The following ACCS variants were observed in gnomAD, a reference collection of about 807,000 sequenced individuals.
ACCS encodes 1-aminocyclopropane-1-carboxylate synthase homolog (inactive), also known as 1-aminocyclopropane-1-carboxylate synthase-like protein 1.
ACCS carries 42 observed loss-of-function variants against 59.8 expected under a neutral mutation model. The ratio of observed to expected loss-of-function variants is 0.70; its 90% CI spans 0.55 to 0.91. ACCS has a LOEUF of 0.91. ACCS is among the 40% of genes least tolerant of loss of function. The pLI is 0.00. For synonymous variants in ACCS, 230 were observed against 240.3 expected, an observed-to-expected ratio of 0.96 and a Z score of 0.40; for missense variants, 602 against 630.4, an observed-to-expected ratio of 0.95 and a Z score of 0.48.
intron 12 of ACCS, 150 bp downstream of exon 12, chr11:44,081,470 A>G (rs191338556): frequency 2.2e-5 from 28 of 1,274,408 alleles, no homozygotes; most frequent in African/African-American, 1.1e-4. Context: ...TCCATACCCT[A>G]TTTGGCCACT....
intron 9 of ACCS, 150 bp from the exon 10 acceptor site, chr11:44,079,381 A>G: frequency 4.8e-6 from 3 of 621,132 alleles, no homozygotes; most frequent in Non-Finnish European, 8.5e-6. Context: ...AAAAAAACAG[A>G]AGAAAGAATG....
rs1020086201 is a variant in ACCS at position 44,075,026 on chromosome 11, G to A, written c.489+345G>A. Among the ~76,000 whole-genome samples, 5 of 151,602 alleles carry A rather than the reference G, an allele frequency of 3.3e-5. No homozygotes were observed. The East Asian group carries it at 7.8e-4, about 24-fold the overall frequency. Reference sequence around the variant, plus strand: ...TTTAGTAGAGATGGGGTTTTACCATGTTGGTCAGGCTGGTCTCGAACTACC... The same window carrying A: ...TTTAGTAGAGATGGGGTTTTACCATATTGGTCAGGCTGGTCTCGAACTACC... On this transcript the variant is annotated intron_variant, in intron 5 of 14. Coordinates refer to ENST00000263776, the MANE Select transcript of ACCS (RefSeq NM_032592.4).
rs113846546 is a variant in ACCS, at chr11:44,066,620, C to A, written c.-82C>A. 1 of 152,442 alleles carries A rather than the reference C, an allele frequency of 6.6e-6. No homozygotes were observed. The highest frequency in any genetic ancestry group is 1.5e-5 in the Non-Finnish European group (1 of 68,198). 9.4% of individuals were successfully genotyped at this position (152,442 alleles called of 1,614,324 possible). ...CTGGAGGCTCGAACCCCGCCGCCCC[C>A]CTACCCCAGGCTTTACTCCCACCCC... On this transcript the variant is annotated 5_prime_UTR_variant, in exon 1 of 15. Coordinates refer to ENST00000263776, the MANE Select transcript of ACCS (RefSeq NM_032592.4).
At chr11:44,079,670 A>G in intron 10 of ACCS, 50 bp downstream of exon 10, 1 of 1,534,504 alleles carries the variant, frequency 6.5e-7, no homozygotes, top group Non-Finnish European at 8.9e-7. Flanking sequence ...TATCCCACGG[A>G]GCCCTGGCCA....
intron 3 of ACCS, chr11:44,071,660 A>C (rs1953056385): frequency 4.5e-6 from 1 of 221,422 alleles, no homozygotes; most frequent in Admixed American, 5.2e-5. Context: ...TAGTTTTGCC[A>C]ATTTCCGTAG....
intron 9 of ACCS, chr11:44,079,008 C>T (rs1340703271): frequency 5.6e-6 from 3 of 537,904 alleles, no homozygotes; most frequent in Admixed American, 3.1e-5. Context: ...ACTCTAGGGG[C>T]CAGGCACCAT....
chr11:44,084,163 C>G lies in ACCS; in HGVS notation c.*371C>G, dbSNP rs577994524. On this transcript the variant is annotated 3_prime_UTR_variant, in exon 15 of 15. Coordinates refer to ENST00000263776, the MANE Select transcript of ACCS (RefSeq NM_032592.4). ...CACCGTCATTCCTCTTTCTTTGTCA[C>G]CAAGGAAACGAGTCAAAGGAACAGC... 3 of 206,150 alleles carry G rather than the reference C, an allele frequency of 1.5e-5. No individual in the cohort carries two copies. Among genetic ancestry groups the G allele is most frequent in the Non-Finnish European group, 2.9e-5 (3 of 101,758 alleles). 12.8% of individuals were successfully genotyped at this position (206,150 alleles called of 1,614,324 possible). A position where few individuals can be genotyped will look rare whatever the true frequency, so the allele number is the denominator to read the frequency against.
chr11:44,082,918 C>T (rs553142763), intron 12 of ACCS, among the ~76,000 whole-genome samples: 12 of 152,174 alleles, frequency 7.9e-5, no homozygotes, highest in Admixed American at 3.9e-4. Context: ...GGGGACTTTG[C>T]GCTGAGGGGG....
intron 3 of ACCS, 81 bp downstream of exon 3, chr11:44,071,396 G>A: frequency 6.6e-7 from 1 of 1,521,998 alleles, no homozygotes; most frequent in Non-Finnish European, 9.1e-7. Flanking sequence ...ACAGGAGCCT[G>A]CTGCTTGGCT....
At chr11:44,074,492 C>A in intron 4 of ACCS, 120 bp from the exon 5 acceptor site, 1 of 781,226 alleles carries the variant, frequency 1.3e-6, no homozygotes, top group South Asian at 1.6e-5. Context: ...CACCCACACC[C>A]CATCATGGGA....
At position 44,083,391 on chromosome 11, in the gene ACCS, C is replaced by T. The variant is rs77687574; in HGVS notation, c.1255-33C>T. 5,139 of 1,613,744 alleles carry T rather than the reference C, an allele frequency of 3.2e-3. 135 individuals carry two copies. The African/African-American group carries it at 0.06, about 19-fold the overall frequency. ...GTGAGGGGCAGTTGGTGAGGGGTCT[C>T]AGCTATGTCCTGAGCCCCTTCCACC... is the stretch of plus-strand genomic sequence containing the variant. On this transcript the variant is annotated intron_variant, in intron 13 of 14. Coordinates refer to ENST00000263776, the MANE Select transcript of ACCS (RefSeq NM_032592.4).
At chr11:44,070,651 C>G (rs973350260) in intron 2 of ACCS, among the ~76,000 whole-genome samples, 3 of 152,258 alleles carry the variant, frequency 2.0e-5, no homozygotes, top group Non-Finnish European at 2.9e-5. Flanking sequence ...CCTGCCTATC[C>G]TATGACAATA....
At chr11:44,072,691 T>TA (rs1953118540) in intron 3 of ACCS, among the ~76,000 whole-genome samples, 1 of 152,208 alleles carries the variant, frequency 6.6e-6, no homozygotes, top group Admixed American at 6.5e-5. Flanking sequence ...ATATTTTACA[T>TA]ACTTTTTTCC....
At chr11:44,077,759 G>C (rs1953443839) in intron 7 of ACCS, 86 bp from the exon 8 acceptor site, 2 of 1,535,174 alleles carry the variant, frequency 1.3e-6, no homozygotes, top group Non-Finnish European at 1.8e-6. Context: ...GGGATTACAG[G>C]GGAGGAGAGG....
At position 44,081,244 on chromosome 11, in the gene ACCS, C is replaced by A. The variant is rs3213455; in HGVS notation, c.1035C>A (p.Ala345=). Residue 345 remains alanine, a synonymous_variant, in exon 12 of 15, where the codon GCC becomes GCA. Coordinates refer to ENST00000263776, the MANE Select transcript of ACCS (RefSeq NM_032592.4). ...CAGAAAACCAGGATGTGGCCACTGC[C>A]GTGGCTTCCCTCTGCCGCTACCACG... ...LYTENQDVAT[A]VASLCRYHGL... 6 of 1,614,124 alleles carry A rather than the reference C, an allele frequency of 3.7e-6. No individual in the cohort carries two copies. The highest frequency in any genetic ancestry group is 5.1e-6 in the Non-Finnish European group (6 of 1,180,050).
At position 44,077,842 on chromosome 11, in the gene ACCS, C is replaced by A; in HGVS notation, c.655-3C>A. On this transcript the variant is annotated splice_polypyrimidine_tract_variant and splice_region_variant and intron_variant, in intron 7 of 14. Coordinates refer to ENST00000263776, the MANE Select transcript of ACCS (RefSeq NM_032592.4). ...CTGGTGGCTCTGATGGGTCTTTTTCCAGGTCACTGGGCTAGACACACGCCC... is the reference window on the plus strand; with the variant it reads ...CTGGTGGCTCTGATGGGTCTTTTTCAAGGTCACTGGGCTAGACACACGCCC... 6.2e-7 allele frequency: 1 copy of A among 1,612,678 alleles called. No homozygotes were observed. Among genetic ancestry groups the A allele is most frequent in the East Asian group, 2.2e-5 (1 of 44,862 alleles).
chr11:44,082,396 A>T (rs1953679693), intron 12 of ACCS, among the ~76,000 whole-genome samples: 1 of 152,208 alleles, frequency 6.6e-6, no homozygotes, highest in Non-Finnish European at 1.5e-5. Flanking sequence ...CCTTCCACAG[A>T]TGTGTGGATG....
In ACCS at chr11:44,083,367, T is replaced by C. The variant is rs1953726572; in HGVS notation, c.1254+56T>C. On this transcript the variant is annotated intron_variant, in intron 13 of 14. Coordinates refer to ENST00000263776, the MANE Select transcript of ACCS (RefSeq NM_032592.4). ...GAGTTTCAGGTCTCCCTCCAGCAGG[T>C]GAGGGGCAGTTGGTGAGGGGTCTCA... 9 of 1,612,680 alleles carry C rather than the reference T, an allele frequency of 5.6e-6. No homozygotes were observed. The Admixed American group carries it at 1.5e-4, about 27-fold the overall frequency.
At chr11:44,070,037 A>G (rs114921444) in intron 2 of ACCS, among the ~76,000 whole-genome samples, 165 of 152,310 alleles carry the variant, frequency 1.1e-3, no homozygotes, top group African/African-American at 3.6e-3. Flanking sequence ...TTCAAGGGAC[A>G]GCAGAGGGGC....
Sources: gnomAD v4.1 joint callset for allele counts (sites outside exome capture counted in the v4.1 genomes callset) on GRCh38, gnomAD v4.1.1 for gene constraint, MANE v1.5 for transcripts, NCBI Gene and HGNC (gene_info 2026-07-23, HGNC 2026-07-21) for gene names.